LRRC4C: variants seen among roughly 807,000 people sequenced by gnomAD.
LRRC4C encodes leucine-rich repeat-containing protein 4C.
In LRRC4C, 5 loss-of-function variants were observed where a neutral mutation model predicts 33.6. The ratio of observed to expected loss-of-function variants is 0.15; its 90% CI spans 0.08 to 0.31. The LOEUF (loss-of-function observed/expected upper bound fraction) is 0.31, where lower values mean the gene tolerates loss of function less well. Among genes scored for constraint, LRRC4C ranks in the 10% least tolerant of loss-of-function variants. The pLI, the probability that LRRC4C is intolerant of heterozygous loss-of-function variation, is 1.00. For synonymous variants in LRRC4C, 329 were observed against 302.0 expected (o/e 1.09, Z -0.93); for missense variants, 560 against 796.7 (o/e 0.70, Z 3.58).
chr11:41,335,277 AC>A (rs1166372672), intron 1 of LRRC4C, among the ~76,000 whole-genome samples: 3 of 152,220 alleles, frequency 2.0e-5, no homozygotes, highest in Non-Finnish European at 2.9e-5. Flanking sequence ...GTAAAAGCAG[AC>A]CAGTAAACTA....
intron 1 of LRRC4C, among the ~76,000 whole-genome samples, chr11:41,223,747 C>T (rs1947407494): frequency 6.6e-6 from 1 of 152,196 alleles, no homozygotes; most frequent in Non-Finnish European, 1.5e-5. Context: ...AGAGCTGGAA[C>T]TCTGAGGCTT....
At chr11:41,173,681 C>A (rs533535886) in intron 1 of LRRC4C, among the ~76,000 whole-genome samples, 1 of 152,176 alleles carries the variant, frequency 6.6e-6, no homozygotes, top group African/African-American at 2.4e-5. Context: ...GACACCATAG[C>A]CTACATTCTT....
chr11:41,218,700 T>C (rs1947169491), intron 1 of LRRC4C, among the ~76,000 whole-genome samples: 1 of 152,114 alleles, frequency 6.6e-6, no homozygotes, highest in South Asian at 2.1e-4. Context: ...AGATTCTATG[T>C]TGTTTTCAAC....
chr11:40,609,308 C>A (rs1293722250), intron 3 of LRRC4C, among the ~76,000 whole-genome samples: 2 of 151,656 alleles, frequency 1.3e-5, no homozygotes, highest in African/African-American at 4.8e-5. Context: ...GCAATGAACT[C>A]CTAAATAAGC....
At chr11:41,215,016 A>G (rs1472237022) in intron 1 of LRRC4C, among the ~76,000 whole-genome samples, 5 of 87,494 alleles carry the variant, frequency 5.7e-5, no homozygotes, top group East Asian at 1.3e-3. Flanking sequence ...TTATTCATGT[A>G]TATATATATA....
chr11:40,128,744 C>T (rs1036323754), intron 6 of LRRC4C, among the ~76,000 whole-genome samples: 3 of 152,128 alleles, frequency 2.0e-5, no homozygotes, highest in Non-Finnish European at 2.9e-5. Flanking sequence ...GTTCCCGCCT[C>T]AGGACCTTTG....
At chr11:40,721,897 C>T (rs1344640849) in intron 2 of LRRC4C, among the ~76,000 whole-genome samples, 2 of 152,180 alleles carry the variant, frequency 1.3e-5, no homozygotes, top group Non-Finnish European at 2.9e-5. Context: ...GCCAAGATCG[C>T]GCCACTGCAC....
At chr11:40,486,201 T>C (rs149067892) in intron 3 of LRRC4C, among the ~76,000 whole-genome samples, 1 of 150,026 alleles carries the variant, frequency 6.7e-6, no homozygotes, top group Non-Finnish European at 1.5e-5. Context: ...CTAATATTGA[T>C]GCAATCTGAC....
chr11:40,235,022 C>G (rs1390153354), intron 5 of LRRC4C, among the ~76,000 whole-genome samples: 2 of 152,338 alleles, frequency 1.3e-5, no homozygotes, highest in Admixed American at 1.3e-4. Flanking sequence ...ACTGCTTTAT[C>G]TCTGTTTCCA....
chr11:40,722,879 G>A (rs1042177233), intron 2 of LRRC4C, among the ~76,000 whole-genome samples: 3 of 152,052 alleles, frequency 2.0e-5, no homozygotes, highest in Non-Finnish European at 4.4e-5. Context: ...AAATTTAAAA[G>A]ATGGCATAGC....
chr11:41,205,316 T>G (rs1319318400), intron 1 of LRRC4C, among the ~76,000 whole-genome samples: 1 of 152,190 alleles, frequency 6.6e-6, no homozygotes, highest in Non-Finnish European at 1.5e-5. Flanking sequence ...TCAATTTATA[T>G]TTTTCTCTGA....
At chr11:40,562,781 G>GT in intron 3 of LRRC4C, among the ~76,000 whole-genome samples, 1 of 152,254 alleles carries the variant, frequency 6.6e-6, no homozygotes, top group Non-Finnish European at 1.5e-5. Flanking sequence ...AGCAAATTGT[G>GT]TATGTGAGTG....
intron 2 of LRRC4C, among the ~76,000 whole-genome samples, chr11:40,914,118 A>G (rs1219549446): frequency 6.6e-6 from 1 of 152,222 alleles, no homozygotes; most frequent in Non-Finnish European, 1.5e-5. Context: ...TACCAGAAGT[A>G]CAAGGAGCAG....
intron 2 of LRRC4C, among the ~76,000 whole-genome samples, chr11:40,765,172 C>A (rs1949392098): frequency 6.6e-6 from 1 of 152,118 alleles, no homozygotes; most frequent in Non-Finnish European, 1.5e-5. Flanking sequence ...TTGTAATTTC[C>A]AGTGTTGGAG....
At chr11:40,350,273 C>T (rs1947324385) in intron 3 of LRRC4C, among the ~76,000 whole-genome samples, 1 of 151,952 alleles carries the variant, frequency 6.6e-6, no homozygotes, top group South Asian at 2.1e-4. Flanking sequence ...TTTGCATGTG[C>T]TGAGATATAG....
intron 1 of LRRC4C, among the ~76,000 whole-genome samples, chr11:41,315,464 A>G (rs1950759491): frequency 6.6e-6 from 1 of 152,170 alleles, no homozygotes; most frequent in South Asian, 2.1e-4. Flanking sequence ...GAGAACATTT[A>G]AATAGCTCTA....
At chr11:40,390,081 T>C (rs1450732706) in intron 3 of LRRC4C, among the ~76,000 whole-genome samples, 3 of 152,180 alleles carry the variant, frequency 2.0e-5, no homozygotes, top group African/African-American at 4.8e-5. Flanking sequence ...TAGGGAGTTA[T>C]CACAAGGCTA....
intron 4 of LRRC4C, among the ~76,000 whole-genome samples, chr11:40,282,604 T>C (rs1943555536): frequency 6.6e-6 from 1 of 152,038 alleles, no homozygotes; most frequent in South Asian, 2.1e-4. Flanking sequence ...AATCTAAAAC[T>C]AGAAGAAAAA....
chr11:40,494,750 C>T lies in LRRC4C; in HGVS notation c.-270+153392G>A, dbSNP rs946146781. Among the ~76,000 whole-genome samples the T allele has an allele frequency of 3.3e-5, 5 of 152,088 alleles. No homozygotes were observed. In the East Asian group the frequency reaches 9.6e-4, roughly 29 times the overall value. On this transcript the variant is annotated intron_variant, in intron 3 of 6. Coordinates refer to ENST00000528697, the MANE Select transcript of LRRC4C (RefSeq NM_001258419.2). Reference sequence around the variant, plus strand: ...AGAAGCACTATTCCTGCTACTTTTACAATAGTGAAGAGTTGTTGAGCAGCT... The same window carrying T: ...AGAAGCACTATTCCTGCTACTTTTATAATAGTGAAGAGTTGTTGAGCAGCT...
Sources: allele counts gnomAD v4.1 joint callset (sites outside exome capture counted in the v4.1 genomes callset), GRCh38; gene constraint gnomAD v4.1.1; transcripts MANE v1.5; gene names NCBI Gene and HGNC (gene_info 2026-07-23, HGNC 2026-07-21).